The following LNX2 variants were observed in gnomAD, a reference collection of about 807,000 sequenced individuals.
The protein encoded by LNX2 is ligand of numb-protein X 2, also known as ligand of Numb protein X 2.
A neutral mutation model predicts 66.2 loss-of-function variants in LNX2; 35 were observed. The ratio of observed to expected loss-of-function variants is 0.53; its 90% CI spans 0.40 to 0.70. The LOEUF (loss-of-function observed/expected upper bound fraction) is 0.70. LNX2 is among the 30% of genes least tolerant of loss of function. LNX2 has a pLI of 0.00. For synonymous variants in LNX2, 337 were observed against 315.6 expected, an observed-to-expected ratio of 1.07 and a Z score of -0.72; for missense variants, 791 against 850.8, an observed-to-expected ratio of 0.93 and a Z score of 0.87.
chr13:27,617,152 G>A (rs1955836579), intron 1 of LNX2, among the ~76,000 whole-genome samples: 1 of 152,126 alleles, frequency 6.6e-6, no homozygotes, highest in Non-Finnish European at 1.5e-5. Context: ...TTTTCCTACT[G>A]CTTTGTATTT....
chr13:27,591,996 A>C (rs990229038), intron 1 of LNX2, among the ~76,000 whole-genome samples: 1 of 152,244 alleles, frequency 6.6e-6, no homozygotes, highest in African/African-American at 2.4e-5. Context: ...TGAGGCGAGA[A>C]TGTCCCTGGT....
chr13:27,583,261 C>CGCGCGCCGCGT lies in LNX2; in HGVS notation c.-100-1459_-100-1458insACGCGGCGCGC, dbSNP rs11281345. 8.8e-5 allele frequency among the ~76,000 whole-genome samples: 4 copies of CGCGCGCCGCGT among 45,480 alleles called. 2 individuals carry two copies. Among genetic ancestry groups the CGCGCGCCGCGT allele is most frequent in the Non-Finnish European group, 1.8e-4 (4 of 22,058 alleles). The allele number at this position is 45,480 out of a possible 152,430, so 29.8% of individuals were successfully genotyped here. On this transcript the variant is annotated intron_variant, in intron 1 of 9. Transcript: ENST00000316334. ...GTGTGTGTGTGTGTGTGTGTGCGCGCGTCCTCTCCAACATACTTATTTTTA... is the reference window on the plus strand; with the variant it reads ...GTGTGTGTGTGTGTGTGTGTGCGCGCGCGCGCCGCGTGTCCTCTCCAACATACTTATTTTTA...
intron 4 of LNX2, among the ~76,000 whole-genome samples, chr13:27,565,990 T>A (rs1221993512): frequency 6.6e-6 from 1 of 151,826 alleles, no homozygotes; most frequent in African/African-American, 2.4e-5. Flanking sequence ...GCATCTTATA[T>A]TCAAATTCAC....
At chr13:27,596,220 GT>G (rs1422495090) in intron 1 of LNX2, among the ~76,000 whole-genome samples, 2 of 152,034 alleles carry the variant, frequency 1.3e-5, no homozygotes, top group Non-Finnish European at 2.9e-5. Context: ...TTAAGAAAAA[GT>G]TAGGTATGTC....
rs58781864 is a variant in LNX2, at chr13:27,576,228, A to G, written c.407+5069T>C. On this transcript the variant is annotated intron_variant, in intron 2 of 9. Coordinates refer to ENST00000316334, the MANE Select transcript of LNX2 (RefSeq NM_153371.4). ...AGAGAGAAATAGACAAATCAACAAT[A>G]AAGCTTTTGATACTCGACTTTCAAT... Among the ~76,000 whole-genome samples the G allele has an allele frequency of 9.2e-3, 1,407 of 152,342 alleles. 21 individuals are homozygous for G. The highest frequency in any genetic ancestry group is 0.032 in the African/African-American group (1,345 of 41,572).
Position 27,569,188 on chromosome 13 carries a change from T to C in LNX2, c.496A>G (p.Thr166Ala), listed in dbSNP as rs776366825. 1 of 1,612,390 alleles carries C rather than the reference T, an allele frequency of 6.2e-7. No individual in the cohort carries two copies. Among genetic ancestry groups the C allele is most frequent in the Non-Finnish European group, 8.5e-7 (1 of 1,179,344 alleles). Residue 166 changes from threonine to alanine, a missense_variant, in exon 3 of 10, where the codon ACT becomes GCT. Thr to Ala is a moderately conservative substitution (Grantham distance 58). Coordinates refer to ENST00000316334, the MANE Select transcript of LNX2 (RefSeq NM_153371.4). ...QAEIENENGP[T>A]LLDPAGTLSP... ...AAGGTACCTGCAGGATCTAGTAGAG[T>C]GGGCCCATTTTCATTCTCAATCTCT... is the stretch of plus-strand genomic sequence containing the variant.
At chr13:27,615,661 C>T (rs747266998) in intron 1 of LNX2, among the ~76,000 whole-genome samples, 21 of 152,128 alleles carry the variant, frequency 1.4e-4, no homozygotes, top group African/African-American at 4.1e-4. Flanking sequence ...AGACACTTAG[C>T]GCTTTGCAGA....
intron 1 of LNX2, among the ~76,000 whole-genome samples, chr13:27,594,515 C>T (rs757155053): frequency 2.6e-5 from 4 of 151,970 alleles, no homozygotes; most frequent in Admixed American, 1.3e-4. Flanking sequence ...AAAGATTTGC[C>T]TCTATTTTCT....
At chr13:27,609,946 T>C (rs866177364) in intron 1 of LNX2, among the ~76,000 whole-genome samples, 1 of 152,344 alleles carries the variant, frequency 6.6e-6, no homozygotes, top group Middle Eastern at 3.4e-3. Context: ...ATTATGTCTA[T>C]TTTTAGCAAA....
At chr13:27,566,831 C>T (rs1955211887) in intron 4 of LNX2, among the ~76,000 whole-genome samples, 2 of 152,110 alleles carry the variant, frequency 1.3e-5, no homozygotes, top group Non-Finnish European at 2.9e-5. Context: ...AATATTTCCT[C>T]TCTCTCCTAG....
rs1352486094 is a variant in LNX2 at position 27,581,796 on chromosome 13, GT to G, written c.-94del. On this transcript the variant is annotated 5_prime_UTR_variant, in exon 2 of 10. Transcript: ENST00000316334. ...TGATGTATCTGACTAAAGTCAAGGT[GT>G]GTTTTTCTAGATAAGCAAAACAAAC... 9.3e-7 allele frequency: 1 copy of G among 1,073,104 alleles called. No homozygotes were observed. Among genetic ancestry groups the G allele is most frequent in the Non-Finnish European group, 1.3e-6 (1 of 756,400 alleles). The allele number at this position is 1,073,104 out of a possible 1,614,324, so 66.5% of individuals were successfully genotyped here.
chr13:27,614,414 G>C (rs1032182565), intron 1 of LNX2, among the ~76,000 whole-genome samples: 5 of 152,102 alleles, frequency 3.3e-5, no homozygotes, highest in African/African-American at 7.2e-5. Context: ...CAGAGCATAG[G>C]AGTACCATTT....
At chr13:27,583,226 G>GCGCGCGCGTCCTCTCCTATATAACTT (rs1311336975) in intron 1 of LNX2, among the ~76,000 whole-genome samples, 2,922 of 29,434 alleles carry the variant, frequency 0.099, 682 homozygotes, top group African/African-American at 0.22. Context: ...GTGTGTGTGT[G>GCGCGCGCGTCCTCTCCTATATAACTT]TGTGTGTGTG....
At chr13:27,588,787 T>C (rs1955519945) in intron 1 of LNX2, among the ~76,000 whole-genome samples, 1 of 152,170 alleles carries the variant, frequency 6.6e-6, no homozygotes, top group African/African-American at 2.4e-5. Flanking sequence ...GTAATGAAAA[T>C]TCAAATATCC....
At position 27,581,629 on chromosome 13, in the gene LNX2, T is replaced by C. The variant is rs767452725; in HGVS notation, c.75A>G (p.Glu25=). 4 of 1,614,142 alleles carry C rather than the reference T, an allele frequency of 2.5e-6. No individual in the cohort carries two copies. The highest frequency in any genetic ancestry group is 2.5e-6 in the Non-Finnish European group (3 of 1,180,018). ...SSSSLNPLCF[E]CGQQHWTREN... is the part of the protein sequence containing the mutation. ...CTCTTGTCCAGTGCTGTTGGCCACA[T>C]TCAAAACACAGGGGGTTTAGAGAAG... The change falls in exon 2 of 10, where the codon GAA becomes GAG. Residue 25 remains glutamate, a synonymous_variant. Coordinates refer to ENST00000316334, the MANE Select transcript of LNX2 (RefSeq NM_153371.4).
Position 27,604,521 on chromosome 13 carries a change from G to C in LNX2, c.-101+15854C>G, listed in dbSNP as rs535991668. 2.6e-5 allele frequency among the ~76,000 whole-genome samples: 4 copies of C among 152,332 alleles called. No homozygotes were observed. In the South Asian group the frequency reaches 8.3e-4, roughly 32 times the overall value. On this transcript the variant is annotated intron_variant, in intron 1 of 9. Coordinates refer to ENST00000316334, the MANE Select transcript of LNX2 (RefSeq NM_153371.4). ...ATAAGTTTCACTGCAGATTAGAAGA[G>C]TGCCCAACAACTAGAAATGGGAGCA...
chr13:27,587,994 C>T (rs1357636516), intron 1 of LNX2, among the ~76,000 whole-genome samples: 1 of 132,314 alleles, frequency 7.6e-6, no homozygotes, highest in Non-Finnish European at 1.6e-5. Flanking sequence ...TCACTCCAGT[C>T]TGGGCAAGAG....
intron 1 of LNX2, among the ~76,000 whole-genome samples, chr13:27,612,943 A>C (rs1048998540): frequency 2.6e-5 from 4 of 151,978 alleles, no homozygotes; most frequent in Admixed American, 1.3e-4. Flanking sequence ...TAGATTGTAA[A>C]CTCCATGAGG....
At chr13:27,558,198 G>GT (rs1252537065) in intron 6 of LNX2, among the ~76,000 whole-genome samples, 1 of 152,010 alleles carries the variant, frequency 6.6e-6, no homozygotes, top group Non-Finnish European at 1.5e-5. Context: ...ATGTGTATGT[G>GT]TTTTCCCTAG....
Sources: allele counts gnomAD v4.1 joint callset (sites outside exome capture counted in the v4.1 genomes callset), GRCh38; gene constraint gnomAD v4.1.1; transcripts MANE v1.5; gene names NCBI Gene and HGNC (gene_info 2026-07-23, HGNC 2026-07-21).